Variants in TRPC4 observed in about 807,000 individuals in gnomAD.
TRPC4 encodes transient receptor potential cation channel subfamily C member 4.
TRPC4 carries 49 observed loss-of-function variants against 99.4 expected under a neutral mutation model. That is an observed-to-expected ratio of 0.49 (90% CI 0.39 to 0.63). The LOEUF (loss-of-function observed/expected upper bound fraction) is 0.63. Ranked by LOEUF, TRPC4 falls within the 20% of genes least tolerant of loss-of-function variation. The pLI, the probability that TRPC4 is intolerant of heterozygous loss-of-function variation, is 0.00. For synonymous variants in TRPC4, 454 were observed against 425.9 expected, an observed-to-expected ratio of 1.07 and a Z score of -0.81; for missense variants, 898 against 1,152.9, an observed-to-expected ratio of 0.78 and a Z score of 3.20.
In TRPC4 at chr13:37,838,301, T is replaced by C. The variant is rs191029661; in HGVS notation, c.-28+31294A>G. On this transcript the variant is annotated intron_variant, in intron 1 of 10. Coordinates refer to ENST00000379705, the MANE Select transcript of TRPC4 (RefSeq NM_016179.4). ...AGTATCTGTGTCACCTGGGAACTTATTAGGAATGCAAATTCACATGCTCTA... is the reference window on the plus strand; with the variant it reads ...AGTATCTGTGTCACCTGGGAACTTACTAGGAATGCAAATTCACATGCTCTA... Among the ~76,000 whole-genome samples the C allele has an allele frequency of 3.2e-4, 48 of 152,290 alleles. No individual in the cohort carries two copies. The East Asian group carries it at 5.0e-3, about 16-fold the overall frequency.
rs145208854 is a variant in TRPC4, at chr13:37,773,354, C to T, written c.378+9602G>A. 2.7e-3 allele frequency among the ~76,000 whole-genome samples: 413 copies of T among 151,960 alleles called. 3 individuals carry two copies. Among genetic ancestry groups the T allele is most frequent in the African/African-American group, 9.1e-3 (376 of 41,494 alleles). Reference sequence around the variant, plus strand: ...TTTTTATCCATAACAGTTCAATATACGTGGAAGGAATCTACCAAATAAATG... The same window carrying T: ...TTTTTATCCATAACAGTTCAATATATGTGGAAGGAATCTACCAAATAAATG... On this transcript the variant is annotated intron_variant, in intron 2 of 10. Coordinates refer to ENST00000379705, the MANE Select transcript of TRPC4 (RefSeq NM_016179.4).
In TRPC4 at chr13:37,680,737, G is replaced by T. The variant is rs75372026; in HGVS notation, c.1235-6370C>A. Reference sequence around the variant, plus strand: ...CTCTAAAACTGGAATGGATTACCCTGTGACATAGAGATTCCAATCCAGAGG... The same window carrying T: ...CTCTAAAACTGGAATGGATTACCCTTTGACATAGAGATTCCAATCCAGAGG... On this transcript the variant is annotated intron_variant, in intron 4 of 10. Coordinates refer to ENST00000379705, the MANE Select transcript of TRPC4 (RefSeq NM_016179.4). Among the ~76,000 whole-genome samples the T allele has an allele frequency of 2.1e-3, 315 of 152,298 alleles. 3 individuals carry two copies. The East Asian group carries it at 0.03, about 14-fold the overall frequency.
At chr13:37,676,614 G>A (rs903673227) in intron 4 of TRPC4, among the ~76,000 whole-genome samples, 2 of 151,926 alleles carry the variant, frequency 1.3e-5, no homozygotes, top group East Asian at 1.9e-4. Flanking sequence ...CTCGTGATCC[G>A]CCCGCCTCGG....
At chr13:37,745,436 G>GTA (rs1201385469) in intron 3 of TRPC4, among the ~76,000 whole-genome samples, 76 of 20,700 alleles carry the variant, frequency 3.7e-3, no homozygotes, top group African/African-American at 6.1e-3. Context: ...ATATATATGC[G>GTA]TATATATATA....
chr13:37,768,769 C>T (rs146215357), intron 2 of TRPC4, among the ~76,000 whole-genome samples: 4 of 151,244 alleles, frequency 2.6e-5, no homozygotes, highest in African/African-American at 9.7e-5. Context: ...ACCTCTCATG[C>T]CCCACAGAAA....
At position 37,651,259 on chromosome 13, in the gene TRPC4, T is replaced by C; in HGVS notation, c.2079+6A>G. The C allele has an allele frequency of 6.2e-7, 1 of 1,614,058 alleles. No homozygotes were observed. Among genetic ancestry groups the C allele is most frequent in the Non-Finnish European group, 8.5e-7 (1 of 1,179,912 alleles). On this transcript the variant is annotated splice_donor_region_variant and intron_variant, in intron 8 of 10. Coordinates refer to ENST00000379705, the MANE Select transcript of TRPC4 (RefSeq NM_016179.4). ...AAAGAGTAATACTAACATGCTGTGT[T>C]CTTACCCCTATTGTTCCAAAACTTT... is the stretch of plus-strand genomic sequence containing the variant.
intron 1 of TRPC4, among the ~76,000 whole-genome samples, chr13:37,854,210 T>C (rs1959128155): frequency 6.6e-6 from 1 of 152,026 alleles, no homozygotes; most frequent in Admixed American, 6.6e-5. Flanking sequence ...TACATGTGAG[T>C]CCCAGTATGT....
intron 1 of TRPC4, among the ~76,000 whole-genome samples, chr13:37,851,994 T>C (rs1959070932): frequency 6.6e-6 from 1 of 152,326 alleles, no homozygotes; most frequent in Middle Eastern, 3.4e-3. Context: ...AACTCAAGTT[T>C]CTGGACAAGT....
chr13:37,732,593 A>G (rs1356257021), intron 3 of TRPC4, among the ~76,000 whole-genome samples: 7 of 152,218 alleles, frequency 4.6e-5, no homozygotes, highest in Admixed American at 4.6e-4. Flanking sequence ...AAACTCTTAG[A>G]TTTGAATAAA....
rs73168474 is a variant in TRPC4, at chr13:37,755,565, C to T, written c.379-9110G>A. Among the ~76,000 whole-genome samples the T allele has an allele frequency of 3.1e-3, 471 of 152,010 alleles. 1 individual carries two copies. Among genetic ancestry groups the T allele is most frequent in the Non-Finnish European group, 5.8e-3 (395 of 67,932 alleles). On this transcript the variant is annotated intron_variant, in intron 2 of 10. Coordinates refer to ENST00000379705, the MANE Select transcript of TRPC4 (RefSeq NM_016179.4). ...CCGGACTACAAGCATAGCACCACCA[C>T]GCCTAGATCATATTTTTGTAGGGAC...
chr13:37,794,827 C>T (rs1320391403), intron 1 of TRPC4, among the ~76,000 whole-genome samples: 1 of 152,052 alleles, frequency 6.6e-6, no homozygotes, highest in Non-Finnish European at 1.5e-5. Flanking sequence ...GACTGGGTGT[C>T]CCATCAGTAT....
Position 37,654,227 on chromosome 13 carries a change from G to T in TRPC4, c.1884+861C>A, listed in dbSNP as rs7335857. ...ATAACACTTCAGAGATTTAACCATA[G>T]ATTCAAAGGTGTAATGGAATGTAAT... On this transcript the variant is annotated intron_variant, in intron 7 of 10. Coordinates refer to ENST00000379705, the MANE Select transcript of TRPC4 (RefSeq NM_016179.4). 9.9e-3 allele frequency among the ~76,000 whole-genome samples: 1,511 copies of T among 152,110 alleles called. 19 individuals carry two copies. The highest frequency in any genetic ancestry group is 0.034 in the African/African-American group (1,418 of 41,500).
intron 2 of TRPC4, among the ~76,000 whole-genome samples, chr13:37,768,605 A>C (rs1005885175): frequency 6.6e-6 from 1 of 151,452 alleles, no homozygotes; most frequent in Non-Finnish European, 1.5e-5. Context: ...TGTAGCAACC[A>C]GCTAAGACAT....
At chr13:37,662,550 G>A (rs1952482121) in intron 6 of TRPC4, among the ~76,000 whole-genome samples, 1 of 152,138 alleles carries the variant, frequency 6.6e-6, no homozygotes, top group Non-Finnish European at 1.5e-5. Flanking sequence ...TGTTACTTGA[G>A]AAATTACCAT....
intron 1 of TRPC4, among the ~76,000 whole-genome samples, chr13:37,813,637 A>C (rs1957763664): frequency 6.6e-6 from 1 of 151,952 alleles, no homozygotes; most frequent in African/African-American, 2.4e-5. Context: ...TGAGTAGACA[A>C]ATTTTTAGGA....
intron 7 of TRPC4, among the ~76,000 whole-genome samples, chr13:37,651,677 T>C (rs553946209): frequency 6.6e-6 from 1 of 152,184 alleles, no homozygotes; most frequent in South Asian, 2.1e-4. Context: ...TCATCCTTCC[T>C]TCTTCAGTGA....
chr13:37,790,355 G>C (rs770561336), intron 1 of TRPC4, among the ~76,000 whole-genome samples: 3 of 152,206 alleles, frequency 2.0e-5, no homozygotes, highest in South Asian at 2.1e-4. Flanking sequence ...TATTCTAAAG[G>C]AGGAGGGAAA....
intron 3 of TRPC4, among the ~76,000 whole-genome samples, chr13:37,694,966 G>T (rs1953860148): frequency 6.6e-6 from 1 of 152,134 alleles, no homozygotes; most frequent in African/African-American, 2.4e-5. Context: ...GTCTACACCA[G>T]CATTCCCTAA....
intron 3 of TRPC4, among the ~76,000 whole-genome samples, chr13:37,734,125 GCA>G (rs1955324656): frequency 6.6e-6 from 1 of 152,126 alleles, no homozygotes. Flanking sequence ...CCATGAATCT[GCA>G]CAGAGTATTT....
Sources: allele counts gnomAD v4.1 joint callset (sites outside exome capture counted in the v4.1 genomes callset), GRCh38; gene constraint gnomAD v4.1.1; transcripts MANE v1.5; gene names NCBI Gene and HGNC (gene_info 2026-07-23, HGNC 2026-07-21).